Variants in AHDC1 observed in about 807,000 individuals in gnomAD.
AHDC1 encodes AT-hook DNA binding motif containing 1.
In AHDC1, 7 loss-of-function variants were observed where a neutral mutation model predicts 87.9. That is an observed-to-expected ratio of 0.08 (90% CI 0.05 to 0.15). The LOEUF (loss-of-function observed/expected upper bound fraction) is 0.15. AHDC1 is among the 10% of genes least tolerant of loss of function. The probability of loss-of-function intolerance (pLI) is 1.00; values close to 1 mark genes in which losing one functional copy is unlikely to be tolerated. For missense variants in AHDC1, 1,841 were observed against 2,253.2 expected, an observed-to-expected ratio of 0.82 and a Z score of 3.70; for synonymous variants, 1,051 against 1,006.8, an observed-to-expected ratio of 1.04 and a Z score of -0.83.
intron 3 of AHDC1, among the ~76,000 whole-genome samples, chr1:27,591,501 C>T (rs971815820): frequency 3.9e-5 from 6 of 152,204 alleles, no homozygotes; most frequent in African/African-American, 1.2e-4. Context: ...TTAGGCCCTG[C>T]CCTCTGTCCA....
At chr1:27,564,712 T>C (rs1482654742) in intron 3 of AHDC1, among the ~76,000 whole-genome samples, 2 of 152,118 alleles carry the variant, frequency 1.3e-5, no homozygotes, top group Non-Finnish European at 2.9e-5. Context: ...TGCCGCCCGA[T>C]GAAGACCAAT....
chr1:27,591,927 T>C (rs994465813), intron 3 of AHDC1, among the ~76,000 whole-genome samples: 1 of 152,194 alleles, frequency 6.6e-6, no homozygotes, highest in African/African-American at 2.4e-5. Flanking sequence ...TTGTGGTTAG[T>C]ATTAACATAA....
At position 27,565,856 on chromosome 1, in the gene AHDC1, G is replaced by A. The variant is rs1174543124; in HGVS notation, c.-628-6973C>T. ...GGGCTAGTGGAAGGTAGACTAGATG[G>A]ATGGAGCCCATCCCCTAAAACCCTG... On this transcript the variant is annotated intron_variant, in intron 3 of 8. Coordinates refer to ENST00000673934, the MANE Select transcript of AHDC1 (RefSeq NM_001371928.1). This position sits in a 1 kb window ranked among gnomAD's most constrained non-coding sequence, Gnocchi z 4.6. Among the ~76,000 whole-genome samples the A allele has an allele frequency of 1.3e-5, 2 of 152,276 alleles. No individual in the cohort carries two copies. Among genetic ancestry groups the A allele is most frequent in the East Asian group, 1.9e-4 (1 of 5,182 alleles).
chr1:27,601,386 C>T (rs1357593434), intron 3 of AHDC1, among the ~76,000 whole-genome samples: 1 of 152,228 alleles, frequency 6.6e-6, no homozygotes, highest in African/African-American at 2.4e-5. Flanking sequence ...GGGGGCAATG[C>T]CTGCCCACCT....
intron 8 of AHDC1, among the ~76,000 whole-genome samples, chr1:27,538,775 A>T (rs576094092): frequency 1.3e-5 from 2 of 152,266 alleles, no homozygotes; most frequent in South Asian, 4.1e-4. Flanking sequence ...TTGGCCTCCC[A>T]AAGTGCTGGG....
chr1:27,535,541 G>C (rs2018602583), intron 8 of AHDC1, among the ~76,000 whole-genome samples: 1 of 152,158 alleles, frequency 6.6e-6, no homozygotes, highest in South Asian at 2.1e-4. Flanking sequence ...CAGGGCCTCA[G>C]CACACAGCAC....
intron 8 of AHDC1, among the ~76,000 whole-genome samples, chr1:27,535,245 C>T (rs1429765322): frequency 6.6e-6 from 1 of 152,182 alleles, no homozygotes; most frequent in East Asian, 1.9e-4. Flanking sequence ...CAGTGCCACC[C>T]TTTAGTAGTG....
chr1:27,588,861 G>A (rs538159532), intron 3 of AHDC1, among the ~76,000 whole-genome samples: 42 of 152,266 alleles, frequency 2.8e-4, no homozygotes, highest in African/African-American at 9.9e-4. Flanking sequence ...AGGATGCCGT[G>A]TGTGTACATG....
intron 8 of AHDC1, among the ~76,000 whole-genome samples, chr1:27,541,000 C>CT (rs1391139336): frequency 5.7e-5 from 2 of 35,308 alleles, no homozygotes; most frequent in African/African-American, 1.3e-4. Context: ...TCTAAAAATG[C>CT]TAAAAAAAAA....
At position 27,598,410 on chromosome 1, in the gene AHDC1, T is replaced by C. The variant is rs1356682720; in HGVS notation, c.-629+4987A>G. Among the ~76,000 whole-genome samples the C allele has an allele frequency of 6.6e-6, 1 of 152,158 alleles. No individual in the cohort carries two copies. The highest frequency in any genetic ancestry group is 6.5e-5 in the Admixed American group (1 of 15,284). ...AGGAGAGGGATCCTTGATGCCCACC[T>C]TCCTCATCCCCTGGCCAATGGAAGA... On this transcript the variant is annotated intron_variant, in intron 3 of 8. Coordinates refer to ENST00000673934, the MANE Select transcript of AHDC1 (RefSeq NM_001371928.1). This position sits in a 1 kb window ranked among gnomAD's most constrained non-coding sequence, Gnocchi z 4.2.
chr1:27,602,087 C>T (rs1306109730), intron 3 of AHDC1, among the ~76,000 whole-genome samples: 4 of 152,114 alleles, frequency 2.6e-5, no homozygotes, highest in Admixed American at 6.5e-5. Flanking sequence ...CCCAGGGTGA[C>T]GCCTGGGCCC....
At chr1:27,567,761 G>C (rs2020387987) in intron 3 of AHDC1, among the ~76,000 whole-genome samples, 1 of 152,158 alleles carries the variant, frequency 6.6e-6, no homozygotes. Flanking sequence ...CTGCCCCTTT[G>C]GCTTGCAAAA....
intron 3 of AHDC1, 33 bp downstream of exon 3, chr1:27,603,364 G>A (rs1362727534): frequency 2.0e-5 from 3 of 152,452 alleles, no homozygotes; most frequent in South Asian, 2.1e-4. Flanking sequence ...GTCCCCAGCG[G>A]GGGTCTGGGG....
intron 3 of AHDC1, among the ~76,000 whole-genome samples, chr1:27,602,986 T>TCCCCCCCCCCCCC (rs552714980): frequency 2.9e-5 from 2 of 69,820 alleles, no homozygotes; most frequent in African/African-American, 1.3e-4. Context: ...CCCCCTTCAT[T>TCCCCCCCCCCCCC]CCCCCCCCCC....
chr1:27,592,967 A>G (rs972016219), intron 3 of AHDC1, among the ~76,000 whole-genome samples: 2 of 152,096 alleles, frequency 1.3e-5, no homozygotes, highest in Non-Finnish European at 2.9e-5. Context: ...AAGGCCTGCC[A>G]GCTGGAGGTT....
At chr1:27,541,300 T>C (rs1484247121) in intron 8 of AHDC1, among the ~76,000 whole-genome samples, 1 of 152,174 alleles carries the variant, frequency 6.6e-6, no homozygotes, top group Admixed American at 6.5e-5. Flanking sequence ...GTGATGCTCA[T>C]GTGGAGGATT....
chr1:27,604,189 G>A (rs1236426388), upstream of AHDC1: 3 of 152,366 alleles, frequency 2.0e-5, no homozygotes, highest in African/African-American at 4.8e-5. Context: ...GAACCCCAGG[G>A]GGGAGCGCGC....
At position 27,549,604 on chromosome 1, in the gene AHDC1, CGGT is replaced by C; in HGVS notation, c.2509_2511del (p.Thr837del). The C allele has an allele frequency of 1.2e-6, 2 of 1,613,162 alleles. No homozygotes were observed. Among genetic ancestry groups the C allele is most frequent in the Non-Finnish European group, 1.7e-6 (2 of 1,180,006 alleles). The stretch of plus-strand genomic sequence containing the variant: ...GAATCGAGCAGCGAGCGAAAGTAGC[CGGT>C]GAAGAGGTTTTGGCGCTCCTGGCTG... On this transcript the variant is annotated inframe_deletion, in exon 8 of 9. Coordinates refer to ENST00000673934, the MANE Select transcript of AHDC1 (RefSeq NM_001371928.1).
intron 8 of AHDC1, among the ~76,000 whole-genome samples, chr1:27,542,730 AC>A (rs2018983341): frequency 6.6e-6 from 1 of 152,164 alleles, no homozygotes; most frequent in South Asian, 2.1e-4. Flanking sequence ...CCCAGCCACC[AC>A]CCTCCAGTTC....
Sources: gnomAD v4.1 joint callset for allele counts (sites outside exome capture counted in the v4.1 genomes callset) on GRCh38, gnomAD v4.1.1 for gene constraint, Gnocchi (gnomAD v3.1) non-coding constraint, MANE v1.5 for transcripts, NCBI Gene and HGNC (gene_info 2026-07-23, HGNC 2026-07-21) for gene names.